Variants in SLC35F6 observed in about 807,000 individuals in gnomAD.
The protein encoded by SLC35F6 is ANT2-binding protein.
Under a neutral mutation model 29.4 loss-of-function variants are expected in SLC35F6, and 26 were observed. The observed-to-expected ratio is 0.89, with a 90% confidence interval of 0.65 to 1.23. The LOEUF is 1.23. SLC35F6 is among the 50% of genes most tolerant of loss of function. The pLI, the probability that SLC35F6 is intolerant of heterozygous loss-of-function variation, is 0.00. For synonymous variants in SLC35F6, 174 were observed against 206.6 expected, an observed-to-expected ratio of 0.84 and a Z score of 1.35; for missense variants, 428 against 487.8, an observed-to-expected ratio of 0.88 and a Z score of 1.15.
At chr2:26,765,681 A>C (rs1320888366) in intron 1 of SLC35F6, among the ~76,000 whole-genome samples, 1 of 152,220 alleles carries the variant, frequency 6.6e-6, no homozygotes, top group East Asian at 1.9e-4. Context: ...GGGCACAGTC[A>C]GTGGAGTCCT....
At chr2:26,770,728 A>C (rs1050350515) in intron 1 of SLC35F6, among the ~76,000 whole-genome samples, 1 of 152,070 alleles carries the variant, frequency 6.6e-6, no homozygotes, top group African/African-American at 2.4e-5. Context: ...AAAAAAAAAA[A>C]CAAGAACAAA....
rs57372210 is a variant in SLC35F6 at position 26,767,405 on chromosome 2, C to G, written c.77+2979C>G. On this transcript the variant is annotated intron_variant, in intron 1 of 5. Transcript: ENST00000344420. ...TGGCCTGTGACAAGAGTGATGTTTCCCTTCCCAGGTTCTTGGGAGGATGAA... is the reference window on the plus strand; with the variant it reads ...TGGCCTGTGACAAGAGTGATGTTTCGCTTCCCAGGTTCTTGGGAGGATGAA... 2.2e-3 allele frequency among the ~76,000 whole-genome samples: 338 copies of G among 152,132 alleles called. 1 individual carries two copies. Among genetic ancestry groups the G allele is most frequent in the African/African-American group, 7.6e-3 (315 of 41,544 alleles).
In SLC35F6 at chr2:26,764,324, T is replaced by G. The variant is rs753331655; in HGVS notation, c.-26T>G. ...GGTGACGGGGCCCGGCGCCGCTAAC[T>G]GGAGCGAACCCCAGCGTCCGCCGAC... On this transcript the variant is annotated 5_prime_UTR_variant, in exon 1 of 6. Coordinates refer to ENST00000344420, the MANE Select transcript of SLC35F6 (RefSeq NM_017877.4). 7 of 1,548,734 alleles carry G rather than the reference T, an allele frequency of 4.5e-6. No homozygotes were observed. The South Asian group carries it at 6.0e-5, about 13-fold the overall frequency.
intron 1 of SLC35F6, among the ~76,000 whole-genome samples, chr2:26,767,688 C>G (rs1267298471): frequency 6.6e-6 from 1 of 152,184 alleles, no homozygotes; most frequent in Non-Finnish European, 1.5e-5. Flanking sequence ...ACCCCAGTCT[C>G]CTGAATCCAA....
In SLC35F6 at chr2:26,778,308, G is replaced by A. The variant is rs751979502; in HGVS notation, c.913G>A (p.Ala305Thr). The A allele has an allele frequency of 1.2e-6, 2 of 1,614,166 alleles. No individual in the cohort carries two copies. Among genetic ancestry groups the A allele is most frequent in the Admixed American group, 3.3e-5 (2 of 60,014 alleles). Residue 305 changes from alanine (A) to threonine (T), a missense_variant, in exon 6 of 6, where the codon GCA (alanine) becomes ACA (threonine). Physicochemically the swap from Ala to Thr is moderately conservative, Grantham distance 58 (BLOSUM62 0). Coordinates refer to ENST00000344420, the MANE Select transcript of SLC35F6 (RefSeq NM_017877.4). ...CAGCTTGCGCACCGTTGTCATCTGGGCACTGAGCCTGGCACTGGGCTGGGA... is the reference window on the plus strand; with the variant it reads ...CAGCTTGCGCACCGTTGTCATCTGGACACTGAGCCTGGCACTGGGCTGGGA... ...LDSLRTVVIWALSLALGWEAF... is the reference protein window; with the variant it reads ...LDSLRTVVIWTLSLALGWEAF...
At chr2:26,772,921 G>A (rs1048102791) in intron 1 of SLC35F6, among the ~76,000 whole-genome samples, 2 of 152,200 alleles carry the variant, frequency 1.3e-5, no homozygotes, top group Non-Finnish European at 2.9e-5. Context: ...GCTCATCGGG[G>A]AAGTATGTCA....
chr2:26,776,904 A>G (rs1378696979), intron 5 of SLC35F6, among the ~76,000 whole-genome samples: 2 of 152,216 alleles, frequency 1.3e-5, no homozygotes, highest in African/African-American at 4.8e-5. Context: ...CCAGTGAGGA[A>G]TAATTTTGAG....
At chr2:26,764,566 C>G (rs1664060482) in intron 1 of SLC35F6, 140 bp downstream of exon 1, 3 of 1,150,462 alleles carry the variant, frequency 2.6e-6, no homozygotes. Context: ...TATGACCACC[C>G]AAGGGATGCG....
In SLC35F6 at chr2:26,776,476, A is replaced by T; in HGVS notation, c.640A>T (p.Thr214Ser). Residue 214 changes from threonine (T) to serine (S), a missense_variant, in exon 5 of 6, where the codon ACT becomes TCT. Transcript: ENST00000344420. ...HNVHPLRAVG[T>S]EGLFGFVILS... ...TGTGCACCCACTGCGGGCAGTTGGC[A>T]CTGAGGGTGTGTGTGGGCACAGGGG... is the stretch of plus-strand genomic sequence containing the variant. 1 of 1,614,072 alleles carries T rather than the reference A, an allele frequency of 6.2e-7. No homozygotes were observed. Among genetic ancestry groups the T allele is most frequent in the Non-Finnish European group, 8.5e-7 (1 of 1,179,928 alleles).
chr2:26,780,076 G>A lies in SLC35F6; in HGVS notation c.*1565G>A, dbSNP rs1664381111. On this transcript the variant is annotated 3_prime_UTR_variant, in exon 6 of 6. Transcript: ENST00000344420. ...CCCATCTCAGCCTCCCAAAGTGCTG[G>A]GATTACAGACCTGAGCCACCACACC... The A allele has an allele frequency of 6.6e-6, 1 of 152,326 alleles. No individual in the cohort carries two copies. Among genetic ancestry groups the A allele is most frequent in the Non-Finnish European group, 1.5e-5 (1 of 68,298 alleles). 9.4% of individuals were successfully genotyped at this position (152,326 alleles called of 1,614,324 possible). A position where few individuals can be genotyped will look rare whatever the true frequency, so the allele number is the denominator to read the frequency against.
intron 5 of SLC35F6, among the ~76,000 whole-genome samples, chr2:26,777,837 C>T (rs1184966519): frequency 6.6e-6 from 1 of 151,874 alleles, no homozygotes; most frequent in Admixed American, 6.6e-5. Flanking sequence ...GTCAAAAAAA[C>T]CCTGAGTAAA....
At position 26,776,483 on chromosome 2, in the gene SLC35F6, G is replaced by T; in HGVS notation, c.646+1G>T. ...CCACTGCGGGCAGTTGGCACTGAGG[G>T]TGTGTGTGGGCACAGGGGCCTGGAA... On this transcript the variant is annotated splice_donor_variant, in intron 5 of 5. Coordinates refer to ENST00000344420, the MANE Select transcript of SLC35F6 (RefSeq NM_017877.4). LOFTEE classifies it high-confidence loss of function. The T allele has an allele frequency of 2.5e-6, 4 of 1,613,864 alleles. No homozygotes were observed. The highest frequency in any genetic ancestry group is 3.4e-6 in the Non-Finnish European group (4 of 1,179,742).
chr2:26,774,976 AAAAAT>A, intron 2 of SLC35F6, 63 bp from the exon 3 acceptor site: 1 of 1,491,612 alleles, frequency 6.7e-7, no homozygotes, highest in Non-Finnish European at 8.9e-7. Context: ...TTGCATTAAA[AAAAAT>A]AGTTAAAGAT....
rs371688510 is a variant in SLC35F6, at chr2:26,776,364, C to A, written c.536-8C>A. 73 of 1,613,854 alleles carry A rather than the reference C, an allele frequency of 4.5e-5. No homozygotes were observed. Among genetic ancestry groups the A allele is most frequent in the Non-Finnish European group, 6.0e-5 (71 of 1,179,832 alleles). On this transcript the variant is annotated splice_polypyrimidine_tract_variant and splice_region_variant and intron_variant, in intron 4 of 5. Transcript: ENST00000344420. Reference sequence around the variant, plus strand: ...CCTGTTCTCATCTGGGTCCCTCCTTCCCCACAGGGGACCTGTTGATCATCA... The same window carrying A: ...CCTGTTCTCATCTGGGTCCCTCCTTACCCACAGGGGACCTGTTGATCATCA...
chr2:26,774,158 G>A (rs1664254265), intron 1 of SLC35F6, 93 bp from the exon 2 acceptor site: 1 of 1,503,646 alleles, frequency 6.7e-7, no homozygotes, highest in South Asian at 1.2e-5. Flanking sequence ...GGTCACCCAG[G>A]TCTGGGCCTC....
At position 26,775,802 on chromosome 2, in the gene SLC35F6, G is replaced by A; in HGVS notation, c.535+126G>A. On this transcript the variant is annotated intron_variant, in intron 4 of 5. Coordinates refer to ENST00000344420, the MANE Select transcript of SLC35F6 (RefSeq NM_017877.4). This position sits in a 1 kb window ranked among gnomAD's most constrained non-coding sequence, Gnocchi z 4.6. The stretch of plus-strand genomic sequence containing the variant: ...AGCCCTGGGTGAGGTGGGTAGCTCT[G>A]GAGGTGATGGATAGAATGTAGGGAA... 9.4e-7 allele frequency: 1 copy of A among 1,063,308 alleles called. No homozygotes were observed. Among genetic ancestry groups the A allele is most frequent in the Admixed American group, 2.8e-5 (1 of 35,662 alleles). The allele number at this position is 1,063,308 out of a possible 1,614,324, so 65.9% of individuals were successfully genotyped here. A position where few individuals can be genotyped will look rare whatever the true frequency, so the allele number is the denominator to read the frequency against.
At chr2:26,776,906 A>G (rs1320001075) in intron 5 of SLC35F6, among the ~76,000 whole-genome samples, 1 of 152,202 alleles carries the variant, frequency 6.6e-6, no homozygotes, top group Non-Finnish European at 1.5e-5. Context: ...AGTGAGGAAT[A>G]ATTTTGAGTG....
intron 2 of SLC35F6, 148 bp from the exon 3 acceptor site, chr2:26,774,896 C>A: frequency 1.0e-6 from 1 of 966,982 alleles, no homozygotes; most frequent in Non-Finnish European, 1.5e-6. Flanking sequence ...TGTCTCTAGC[C>A]TCCATGGCAG....
chr2:26,774,437 C>A, intron 2 of SLC35F6, 114 bp downstream of exon 2: 1 of 1,126,496 alleles, frequency 8.9e-7, no homozygotes, highest in East Asian at 2.5e-5. Flanking sequence ...CTCCTGCTCC[C>A]AGAAGAGCCA....
Sources: gnomAD v4.1 joint callset for allele counts (sites outside exome capture counted in the v4.1 genomes callset) on GRCh38, gnomAD v4.1.1 for gene constraint, Gnocchi (gnomAD v3.1) non-coding constraint, MANE v1.5 for transcripts, NCBI Gene and HGNC (gene_info 2026-07-23, HGNC 2026-07-21) for gene names.